The following DCLK3 variants were observed in gnomAD, a reference collection of about 807,000 sequenced individuals.
DCLK3 encodes the protein doublecortin like kinase 3, also known as serine/threonine-protein kinase DCLK3.
DCLK3 carries 30 observed loss-of-function variants against 46.4 expected under a neutral mutation model. The observed-to-expected ratio is 0.65, with a 90% confidence interval of 0.48 to 0.88. The LOEUF is 0.88. Among genes scored for constraint, DCLK3 ranks in the 40% least tolerant of loss-of-function variants. DCLK3 has a pLI of 0.00. For synonymous variants in DCLK3, 401 were observed against 339.2 expected, an observed-to-expected ratio of 1.18 and a Z score of -2.00; for missense variants, 846 against 907.1, an observed-to-expected ratio of 0.93 and a Z score of 0.87.
At chr3:36,758,153 C>T (rs889578696) in intron 1 of DCLK3, among the ~76,000 whole-genome samples, 1 of 152,172 alleles carries the variant, frequency 6.6e-6, no homozygotes, top group Non-Finnish European at 1.5e-5. Flanking sequence ...CCAGGAGATC[C>T]TCAAACCTAT....
At chr3:36,740,223 A>C (rs1308838769) in intron 1 of DCLK3, among the ~76,000 whole-genome samples, 4 of 151,440 alleles carry the variant, frequency 2.6e-5, no homozygotes, top group Non-Finnish European at 1.5e-5. Context: ...CTTACCTAAG[A>C]GAGTGCCTGA....
chr3:36,756,840 G>A (rs1462858165), intron 1 of DCLK3, among the ~76,000 whole-genome samples: 2 of 151,852 alleles, frequency 1.3e-5, no homozygotes, highest in Non-Finnish European at 2.9e-5. Context: ...GGCATGTGGT[G>A]TCTGGGGGTG....
At chr3:36,757,202 T>C (rs1042526732) in intron 1 of DCLK3, among the ~76,000 whole-genome samples, 4 of 152,176 alleles carry the variant, frequency 2.6e-5, no homozygotes, top group African/African-American at 9.7e-5. Flanking sequence ...AATTTTTGTC[T>C]GTTTGTGTGG....
rs1039975042 is a variant in DCLK3, at chr3:36,722,595, C to G, written c.1960-936G>C. Among the ~76,000 whole-genome samples the G allele has an allele frequency of 1.4e-4, 22 of 152,268 alleles. No homozygotes were observed. In the South Asian group the frequency reaches 3.9e-3, roughly 27 times the overall value. Reference sequence around the variant, plus strand: ...ATTCCCACATGTTGTGAGGGGAACCCGGTGGGCAGTAATTGAATCATGGGA... The same window carrying G: ...ATTCCCACATGTTGTGAGGGGAACCGGGTGGGCAGTAATTGAATCATGGGA... On this transcript the variant is annotated intron_variant, in intron 2 of 4. Transcript: ENST00000636136.
In DCLK3 at chr3:36,737,575, A is replaced by G. The variant is rs774499578; in HGVS notation, c.1592T>C (p.Ile531Thr). Reference sequence around the variant, plus strand: ...CACGACAGCAAAGTTCCCATCCCCAATGACCCGGCCAGTCTCATAATGCTT... The same window carrying G: ...CACGACAGCAAAGTTCCCATCCCCAGTGACCCGGCCAGTCTCATAATGCTT... ...VEKHYETGRV[I>T]GDGNFAVVKE... The change falls in exon 2 of 5, where the codon ATT (isoleucine) becomes ACT (threonine). Residue 531 changes from isoleucine (I) to threonine (T), a missense_variant. Physicochemically the swap from Ile to Thr is moderately conservative, Grantham distance 89 (BLOSUM62 -1). Around this residue, in one of 3 missense-constraint regions of DCLK3, gnomAD observed 553 missense variants for 543.0 expected, o/e 1.02. Coordinates refer to ENST00000636136, the MANE Select transcript of DCLK3 (RefSeq NM_001394672.2). The surrounding 1 kb of genome is among the most constrained non-coding windows in gnomAD (Gnocchi z 4.4). 20 of 1,613,940 alleles carry G rather than the reference A, an allele frequency of 1.2e-5. No individual in the cohort carries two copies. The highest frequency in any genetic ancestry group is 2.2e-5 in the East Asian group (1 of 44,880).
At chr3:36,758,837 C>A (rs745337803) in intron 1 of DCLK3, among the ~76,000 whole-genome samples, 1 of 152,182 alleles carries the variant, frequency 6.6e-6, no homozygotes, top group Non-Finnish European at 1.5e-5. Flanking sequence ...CATCATAAAA[C>A]CTTGTGGCAT....
At chr3:36,751,564 C>A (rs781467536) in intron 1 of DCLK3, among the ~76,000 whole-genome samples, 1 of 152,220 alleles carries the variant, frequency 6.6e-6, no homozygotes, top group Non-Finnish European at 1.5e-5. Context: ...TGCATCTAAG[C>A]CTTTTGAAAG....
chr3:36,755,694 G>A lies in DCLK3; in HGVS notation c.82+8488C>T, dbSNP rs1277333436. ...GAGTTCTTATGGACCAGTGTAGGAT[G>A]GAGAAGTGGAGGATGGGCTGACATC... On this transcript the variant is annotated intron_variant, in intron 1 of 4. Coordinates refer to ENST00000636136, the MANE Select transcript of DCLK3 (RefSeq NM_001394672.2). 2.0e-5 allele frequency among the ~76,000 whole-genome samples: 3 copies of A among 152,132 alleles called. No homozygotes were observed. In the East Asian group the frequency reaches 5.8e-4, roughly 29 times the overall value.
In DCLK3 at chr3:36,721,390, T is replaced by A; in HGVS notation, c.2092+137A>T. On this transcript the variant is annotated intron_variant, in intron 3 of 4. Transcript: ENST00000636136. Reference sequence around the variant, plus strand: ...GCTTTGGTCAAGCCTACTTCAAATATTTTCATTGAAGTCCAAATCCAAGCC... The same window carrying A: ...GCTTTGGTCAAGCCTACTTCAAATAATTTCATTGAAGTCCAAATCCAAGCC... The A allele has an allele frequency of 2.4e-6, 3 of 1,226,852 alleles. No individual in the cohort carries two copies. In the East Asian group the frequency reaches 7.1e-5, roughly 29 times the overall value. The allele number at this position is 1,226,852 out of a possible 1,614,324, so 76.0% of individuals were successfully genotyped here.
chr3:36,721,447 T>A (rs1009579662), intron 3 of DCLK3, 80 bp downstream of exon 3: 6 of 1,544,962 alleles, frequency 3.9e-6, no homozygotes, highest in Non-Finnish European at 5.3e-6. Context: ...TTATTCCATA[T>A]TGAAAACTAG....
chr3:36,715,881 G>T (rs143555764), intron 4 of DCLK3, among the ~76,000 whole-genome samples: 1 of 152,152 alleles, frequency 6.6e-6, no homozygotes, highest in Non-Finnish European at 1.5e-5. Flanking sequence ...CTCTGGAATC[G>T]CAGGGCCAGA....
At chr3:36,725,180 C>T (rs140805397) in intron 2 of DCLK3, among the ~76,000 whole-genome samples, 1,855 of 152,096 alleles carry the variant, frequency 0.012, 41 homozygotes, top group African/African-American at 0.041. Context: ...AGCCTGATGG[C>T]GGGCGCCTGT....
At chr3:36,730,719 T>C (rs1052309012) in intron 2 of DCLK3, among the ~76,000 whole-genome samples, 1 of 151,988 alleles carries the variant, frequency 6.6e-6, no homozygotes, top group Non-Finnish European at 1.5e-5. Context: ...ACAGGAAATC[T>C]GTATCTCCAT....
chr3:36,728,112 T>TACAAGC (rs1194073218), intron 2 of DCLK3, among the ~76,000 whole-genome samples: 2 of 152,034 alleles, frequency 1.3e-5, no homozygotes, highest in Admixed American at 1.3e-4. Context: ...GTGCATCCCA[T>TACAAGC]TTATGGCAAG....
intron 1 of DCLK3, among the ~76,000 whole-genome samples, chr3:36,761,535 C>T (rs1377591458): frequency 2.6e-5 from 4 of 152,148 alleles, no homozygotes; most frequent in African/African-American, 7.2e-5. Context: ...CAAAGAACTC[C>T]CCCACGTATG....
intron 2 of DCLK3, among the ~76,000 whole-genome samples, chr3:36,733,637 G>T (rs1215070539): frequency 6.6e-6 from 1 of 152,110 alleles, no homozygotes; most frequent in South Asian, 2.1e-4. Context: ...GCACACACTG[G>T]CAGAAGCAGC....
chr3:36,735,068 C>T (rs1701243967), intron 2 of DCLK3, among the ~76,000 whole-genome samples: 1 of 152,178 alleles, frequency 6.6e-6, no homozygotes, highest in South Asian at 2.1e-4. Context: ...TAGCTGAGAA[C>T]TTGTATAACT....
chr3:36,742,905 C>T (rs1432996733), intron 1 of DCLK3, among the ~76,000 whole-genome samples: 1 of 152,180 alleles, frequency 6.6e-6, no homozygotes, highest in African/African-American at 2.4e-5. Context: ...AGAGTACTTT[C>T]AGTCTCCCAC....
chr3:36,721,445 T>C (rs1442773120), intron 3 of DCLK3, 82 bp downstream of exon 3: 5 of 1,530,254 alleles, frequency 3.3e-6, no homozygotes, highest in South Asian at 1.2e-5. Context: ...ATTTATTCCA[T>C]ATTGAAAACT....
Sources: allele counts gnomAD v4.1 joint callset (sites outside exome capture counted in the v4.1 genomes callset), GRCh38; gene constraint gnomAD v4.1.1; regional missense constraint gnomAD v4.1.1; non-coding constraint Gnocchi (gnomAD v3.1); transcripts MANE v1.5; gene names NCBI Gene and HGNC (gene_info 2026-07-23, HGNC 2026-07-21).